Variants in TXLNB observed in about 807,000 individuals in gnomAD.
The protein encoded by TXLNB is beta-taxilin.
In TXLNB, 37 loss-of-function variants were observed where a neutral mutation model predicts 57.4. The ratio of observed to expected loss-of-function variants is 0.64; its 90% CI spans 0.50 to 0.85. TXLNB has a LOEUF of 0.85. Among genes scored for constraint, TXLNB ranks in the 40% least tolerant of loss-of-function variants. The pLI, the probability that TXLNB is intolerant of heterozygous loss-of-function variation, is 0.00. For missense variants in TXLNB, 848 were observed against 825.6 expected (o/e 1.03, Z -0.33); for synonymous variants, 302 against 309.6 (o/e 0.98, Z 0.26).
At chr6:139,190,882 C>G in the TXLNB span, among the ~76,000 whole-genome samples, 1 of 152,106 alleles carries the variant, frequency 6.6e-6, no homozygotes, top group South Asian at 2.1e-4. Context: ...GAGGCACAAG[C>G]GTTCAGACCA....
At chr6:139,225,917 A>G in the TXLNB span, among the ~76,000 whole-genome samples, 1 of 152,308 alleles carries the variant, frequency 6.6e-6, no homozygotes, top group East Asian at 1.9e-4. Context: ...TCAGCTATAA[A>G]GATTTATTAT....
the TXLNB span, among the ~76,000 whole-genome samples, chr6:139,205,567 T>C: frequency 6.7e-6 from 1 of 150,038 alleles, no homozygotes; most frequent in Non-Finnish European, 1.5e-5. Flanking sequence ...CTAGAACAAG[T>C]AGAAGAAAGA....
chr6:139,276,594 TC>T (rs1301166214), intron 3 of TXLNB, among the ~76,000 whole-genome samples: 1 of 152,216 alleles, frequency 6.6e-6, no homozygotes, highest in Non-Finnish European at 1.5e-5. Context: ...TGATGGGCAT[TC>T]CTTCAAAAGA....
intron 8 of TXLNB, among the ~76,000 whole-genome samples, chr6:139,245,782 T>A (rs1034539490): frequency 6.6e-6 from 1 of 152,212 alleles, no homozygotes; most frequent in African/African-American, 2.4e-5. Flanking sequence ...AAACTCTGCC[T>A]CCCGAGTTCA....
chr6:139,208,290 G>T, the TXLNB span, among the ~76,000 whole-genome samples: 2 of 152,082 alleles, frequency 1.3e-5, no homozygotes, highest in Admixed American at 1.3e-4. Context: ...CAATGAGATT[G>T]AATCAGTAAT....
At position 139,247,814 on chromosome 6, in the gene TXLNB, C is replaced by G. The variant is rs756559690; in HGVS notation, c.1170+3G>C. 2 of 1,592,660 alleles carry G rather than the reference C, an allele frequency of 1.3e-6. No individual in the cohort carries two copies. The highest frequency in any genetic ancestry group is 2.3e-5 in the South Asian group (2 of 87,534). On this transcript the variant is annotated splice_donor_region_variant and intron_variant, in intron 8 of 9. Coordinates refer to ENST00000358430, the MANE Select transcript of TXLNB (RefSeq NM_153235.4). Reference sequence around the variant, plus strand: ...TATTTTGTTGGTGATAAGCAATACTCACTTTGTCCATTTCCTGTTTGAACG... The same window carrying G: ...TATTTTGTTGGTGATAAGCAATACTGACTTTGTCCATTTCCTGTTTGAACG...
intron 6 of TXLNB, 80 bp downstream of exon 6, chr6:139,260,238 A>ATAAC: frequency 6.8e-7 from 1 of 1,476,408 alleles, no homozygotes; most frequent in South Asian, 1.3e-5. Flanking sequence ...AAATAAATAA[A>ATAAC]TAAATACAAA....
At chr6:139,226,957 G>T in the TXLNB span, among the ~76,000 whole-genome samples, 2 of 152,206 alleles carry the variant, frequency 1.3e-5, no homozygotes, top group African/African-American at 4.8e-5. Context: ...AGCCCAGGAG[G>T]TGGAAGTTGC....
chr6:139,315,498 C>A, the TXLNB span, among the ~76,000 whole-genome samples: 1 of 152,186 alleles, frequency 6.6e-6, no homozygotes, highest in East Asian at 1.9e-4. Flanking sequence ...TGTATCTCTG[C>A]ATTCTTTGAA....
At chr6:139,236,643 A>G (rs1775839694), downstream of TXLNB, among the ~76,000 whole-genome samples, 1 of 152,104 alleles carries the variant, frequency 6.6e-6, no homozygotes, top group Admixed American at 6.5e-5. Context: ...TTTCCTTTAT[A>G]AATTACTCAG....
the TXLNB span, chr6:139,199,882 T>C: frequency 3.3e-5 from 5 of 152,256 alleles, no homozygotes; most frequent in South Asian, 1.0e-3. Context: ...TAAGACTCAA[T>C]TTTAAGACTT....
the TXLNB span, among the ~76,000 whole-genome samples, chr6:139,323,508 C>T: frequency 6.6e-6 from 1 of 152,136 alleles, no homozygotes; most frequent in Non-Finnish European, 1.5e-5. Flanking sequence ...TGGTCTCGAT[C>T]TCCTGACCTC....
chr6:139,272,864 T>A (rs1252658202), intron 3 of TXLNB, among the ~76,000 whole-genome samples: 4 of 152,124 alleles, frequency 2.6e-5, no homozygotes, highest in African/African-American at 9.7e-5. Context: ...TGAAACCTCA[T>A]CTCTACTAAA....
the TXLNB span, among the ~76,000 whole-genome samples, chr6:139,308,081 C>T: frequency 9.9e-5 from 15 of 151,896 alleles, no homozygotes; most frequent in South Asian, 2.1e-4. Context: ...TGCTTCCACA[C>T]GGCCACAATG....
the TXLNB span, among the ~76,000 whole-genome samples, chr6:139,175,866 AAAAC>A: frequency 6.6e-6 from 1 of 152,244 alleles, no homozygotes; most frequent in South Asian, 2.1e-4. Context: ...TTTCTTCCTT[AAAAC>A]AATTGAAGCC....
the TXLNB span, among the ~76,000 whole-genome samples, chr6:139,311,727 G>A: frequency 0.076 from 11,617 of 152,140 alleles, 1,127 homozygotes; most frequent in East Asian, 0.29. Context: ...GGACCGCGTC[G>A]TCTGCAGCTC....
the TXLNB span, among the ~76,000 whole-genome samples, chr6:139,322,663 G>A: frequency 6.6e-5 from 10 of 152,020 alleles, no homozygotes; most frequent in African/African-American, 7.3e-5. Context: ...TCCTCAATAC[G>A]GTGCAGAGTT....
At chr6:139,173,201 G>A in the TXLNB span, among the ~76,000 whole-genome samples, 1 of 152,168 alleles carries the variant, frequency 6.6e-6, no homozygotes, top group Non-Finnish European at 1.5e-5. Flanking sequence ...AGAAGTTCTT[G>A]TCATCCTTCC....
chr6:139,288,656 A>G lies in TXLNB; in HGVS notation c.244T>C (p.Ser82Pro), dbSNP rs1777235203. Residue 82 changes from serine to proline, a missense_variant, in exon 2 of 10, where the codon TCT becomes CCT. Coordinates refer to ENST00000358430, the MANE Select transcript of TXLNB (RefSeq NM_153235.4). ...SAASTAGKEGSARASEQPENA... is the reference protein window; with the variant it reads ...SAASTAGKEGPARASEQPENA... ...TCAGGCTGCTCACTGGCCCTGGCAG[A>G]GCCCTCTTTCCCTGCTGTGCTGGCA... 6.2e-7 allele frequency: 1 copy of G among 1,614,090 alleles called. No homozygotes were observed. Among genetic ancestry groups the G allele is most frequent in the African/African-American group, 1.3e-5 (1 of 75,014 alleles).
Sources: gnomAD v4.1 joint callset for allele counts (sites outside exome capture counted in the v4.1 genomes callset) on GRCh38, gnomAD v4.1.1 for gene constraint, MANE v1.5 for transcripts, NCBI Gene and HGNC (gene_info 2026-07-23, HGNC 2026-07-21) for gene names.